The following SLC24A3 variants were observed in gnomAD, a reference collection of about 807,000 sequenced individuals.
SLC24A3 encodes the protein solute carrier family 24 member 3.
A neutral mutation model predicts 75.8 loss-of-function variants in SLC24A3; 28 were observed. The ratio of observed to expected loss-of-function variants is 0.37; its 90% CI spans 0.27 to 0.51. The LOEUF is 0.51. Among genes scored for constraint, SLC24A3 ranks in the 20% least tolerant of loss-of-function variants. The pLI is 0.94. For missense variants in SLC24A3, 663 were observed against 847.8 expected (o/e 0.78, Z 2.71); for synonymous variants, 372 against 334.1 (o/e 1.11, Z -1.24).
intron 2 of SLC24A3, among the ~76,000 whole-genome samples, chr20:19,314,341 T>C (rs1390831494): frequency 8.5e-6 from 1 of 117,084 alleles, no homozygotes; most frequent in Non-Finnish European, 2.1e-5. Flanking sequence ...TGAGACAGGG[T>C]CTCAGTCCAC....
intron 9 of SLC24A3, among the ~76,000 whole-genome samples, chr20:19,680,701 C>T (rs894440424): frequency 2.0e-5 from 3 of 152,176 alleles, no homozygotes; most frequent in Admixed American, 2.0e-4. Context: ...ATGGATGAGA[C>T]GGTCCAGCCA....
chr20:19,676,096 T>A (rs1021767233), intron 9 of SLC24A3, among the ~76,000 whole-genome samples: 3 of 152,208 alleles, frequency 2.0e-5, no homozygotes, highest in African/African-American at 7.2e-5. Context: ...TCAAAATGAA[T>A]TCACTAAGGG....
chr20:19,326,182 C>A (rs899693918), intron 2 of SLC24A3, among the ~76,000 whole-genome samples: 29 of 151,798 alleles, frequency 1.9e-4, no homozygotes, highest in African/African-American at 5.1e-4. Context: ...ATGGGGTATG[C>A]AAAGGGGGTA....
chr20:19,694,520 T>C (rs2122137418), intron 13 of SLC24A3: 1 of 152,310 alleles, frequency 6.6e-6, no homozygotes, highest in South Asian at 2.1e-4. Context: ...ACCCAAGTTT[T>C]ATAGCCAGGG....
intron 3 of SLC24A3, among the ~76,000 whole-genome samples, chr20:19,521,320 A>G (rs1043288324): frequency 6.6e-6 from 1 of 152,144 alleles, no homozygotes; most frequent in Non-Finnish European, 1.5e-5. Flanking sequence ...GGGCCAGCTC[A>G]TACTTTTCCT....
At chr20:19,601,611 A>G (rs945889195) in intron 6 of SLC24A3, among the ~76,000 whole-genome samples, 2 of 152,148 alleles carry the variant, frequency 1.3e-5, no homozygotes, top group African/African-American at 4.8e-5. Flanking sequence ...GGTTAGATGT[A>G]GCCCTTTCTC....
intron 3 of SLC24A3, among the ~76,000 whole-genome samples, chr20:19,570,009 A>G (rs1193742134): frequency 6.6e-6 from 1 of 152,060 alleles, no homozygotes. Flanking sequence ...ACTATTCTGG[A>G]TGTATTTATC....
At chr20:19,450,815 A>G (rs1389945872) in intron 2 of SLC24A3, among the ~76,000 whole-genome samples, 4 of 152,150 alleles carry the variant, frequency 2.6e-5, no homozygotes, top group Admixed American at 2.0e-4. Context: ...CCTGGCCAAC[A>G]TGGTGAAACC....
At chr20:19,467,754 G>A (rs913997618) in intron 2 of SLC24A3, among the ~76,000 whole-genome samples, 2 of 151,988 alleles carry the variant, frequency 1.3e-5, no homozygotes, top group Admixed American at 6.6e-5. Context: ...AGTGGTGCAC[G>A]CCTGTAATCC....
At chr20:19,415,090 C>T (rs1193988057) in intron 2 of SLC24A3, among the ~76,000 whole-genome samples, 9 of 152,202 alleles carry the variant, frequency 5.9e-5, no homozygotes, top group East Asian at 1.9e-4. Context: ...ATGTGTATAT[C>T]GAGCTTTAGA....
intron 2 of SLC24A3, among the ~76,000 whole-genome samples, chr20:19,430,801 C>T (rs1034198629): frequency 5.0e-5 from 7 of 139,328 alleles, no homozygotes; most frequent in African/African-American, 1.5e-4. Flanking sequence ...GGCACTTGCA[C>T]TCATGGACAC....
chr20:19,261,295 G>T (rs944842449), intron 1 of SLC24A3, among the ~76,000 whole-genome samples: 1 of 152,158 alleles, frequency 6.6e-6, no homozygotes, highest in Admixed American at 6.5e-5. Flanking sequence ...CCCCCAAGAA[G>T]GGGGATGGGG....
chr20:19,534,388 A>G (rs1459328072), intron 3 of SLC24A3, among the ~76,000 whole-genome samples: 1 of 58,870 alleles, frequency 1.7e-5, no homozygotes, highest in Non-Finnish European at 4.3e-5. Context: ...TGACATCCAA[A>G]AAGGCTTTTC....
chr20:19,660,541 A>T (rs1452590469), intron 7 of SLC24A3, among the ~76,000 whole-genome samples: 1 of 152,126 alleles, frequency 6.6e-6, no homozygotes, highest in African/African-American at 2.4e-5. Context: ...TCGTTAGCTG[A>T]TGAATACTCA....
At chr20:19,372,242 T>A (rs975105376) in intron 2 of SLC24A3, among the ~76,000 whole-genome samples, 3 of 152,210 alleles carry the variant, frequency 2.0e-5, no homozygotes, top group African/African-American at 7.2e-5. Context: ...TATCTGTATT[T>A]GTTTGGAATC....
intron 2 of SLC24A3, among the ~76,000 whole-genome samples, chr20:19,386,439 TC>T (rs1391291420): frequency 6.6e-6 from 1 of 152,210 alleles, no homozygotes; most frequent in African/African-American, 2.4e-5. Context: ...TAGCTAGAAC[TC>T]CCAGTACTAT....
At chr20:19,690,303 A>G (rs367976256) in intron 12 of SLC24A3, among the ~76,000 whole-genome samples, 79 of 152,356 alleles carry the variant, frequency 5.2e-4, no homozygotes, top group African/African-American at 1.7e-3. Flanking sequence ...GTCCAGTCAG[A>G]AATTTTTAAA....
At chr20:19,641,054 C>T (rs181975538) in intron 6 of SLC24A3, among the ~76,000 whole-genome samples, 2 of 152,256 alleles carry the variant, frequency 1.3e-5, no homozygotes, top group African/African-American at 4.8e-5. Flanking sequence ...TTAGATTTTA[C>T]CAGTCTTGTG....
intron 12 of SLC24A3, 60 bp downstream of exon 12, chr20:19,685,421 C>T (rs1471134929): frequency 3.4e-5 from 54 of 1,574,204 alleles, no homozygotes; most frequent in South Asian, 5.9e-5. Flanking sequence ...GAGTAGATGC[C>T]CTTGACTTAG....
Sources: allele counts gnomAD v4.1 joint callset (sites outside exome capture counted in the v4.1 genomes callset), GRCh38; gene constraint gnomAD v4.1.1; transcripts MANE v1.5; gene names NCBI Gene and HGNC (gene_info 2026-07-23, HGNC 2026-07-21).